Variants in ST8SIA5 observed in about 807,000 individuals in gnomAD.
ST8SIA5 encodes alpha-2,8-sialyltransferase 8E.
A neutral mutation model predicts 40.2 loss-of-function variants in ST8SIA5; 24 were observed. The observed-to-expected ratio is 0.60, with a 90% CI of 0.43 to 0.84. The LOEUF is 0.84. ST8SIA5 is among the 40% of genes least tolerant of loss of function. ST8SIA5 has a pLI of 0.00. For missense variants in ST8SIA5, 465 were observed against 498.5 expected (o/e 0.93, Z 0.64); for synonymous variants, 198 against 201.8 (o/e 0.98, Z 0.16).
intron 2 of ST8SIA5, among the ~76,000 whole-genome samples, chr18:46,697,077 C>G (rs1300367713): frequency 1.3e-5 from 2 of 149,590 alleles, no homozygotes; most frequent in Non-Finnish European, 2.9e-5. Flanking sequence ...TGCTTAATGT[C>G]CAGCAGAGGA....
intron 2 of ST8SIA5, among the ~76,000 whole-genome samples, chr18:46,695,683 C>G (rs1207912979): frequency 1.3e-5 from 2 of 152,192 alleles, no homozygotes; most frequent in Non-Finnish European, 2.9e-5. Context: ...CTGATCTTTC[C>G]CACTAGACAG....
rs1317390331 is a variant in ST8SIA5, at chr18:46,677,370, C to T, written c.*2672G>A. ...GGCAAGTCCTGGAATTGCTTTAAGC[C>T]TCTGTCTCCTCATCTGTACAATGGG... On this transcript the variant is annotated 3_prime_UTR_variant, in exon 7 of 7. Coordinates refer to ENST00000315087, the MANE Select transcript of ST8SIA5 (RefSeq NM_013305.6). The T allele has an allele frequency of 1.5e-5, 2 of 132,406 alleles. No homozygotes were observed. The highest frequency in any genetic ancestry group is 2.9e-5 in the African/African-American group (1 of 35,074). The allele number at this position is 132,406 out of a possible 1,614,324, so 8.2% of individuals were successfully genotyped here.
chr18:46,751,451 C>T (rs1261864582), intron 1 of ST8SIA5, among the ~76,000 whole-genome samples: 1 of 151,878 alleles, frequency 6.6e-6, no homozygotes, highest in Admixed American at 6.6e-5. Context: ...GGCTGGAGTG[C>T]AATGGTGCGA....
At chr18:46,729,364 TG>T (rs1420853495) in intron 1 of ST8SIA5, among the ~76,000 whole-genome samples, 3 of 151,904 alleles carry the variant, frequency 2.0e-5, no homozygotes, top group African/African-American at 7.3e-5. Flanking sequence ...GCAACCAGAG[TG>T]GGGAAAGGGG....
intron 2 of ST8SIA5, among the ~76,000 whole-genome samples, chr18:46,697,628 G>T (rs922865828): frequency 6.6e-6 from 1 of 152,114 alleles, no homozygotes; most frequent in African/African-American, 2.4e-5. Context: ...ATTGCTTGAG[G>T]CCAGGAGTTC....
chr18:46,712,374 C>T (rs1167180188), intron 1 of ST8SIA5, among the ~76,000 whole-genome samples: 1 of 152,228 alleles, frequency 6.6e-6, no homozygotes, highest in Non-Finnish European at 1.5e-5. Context: ...CACCACTTCT[C>T]CTTCCTGAGT....
In ST8SIA5 at chr18:46,676,501, CCCTGCT is replaced by C. The variant is rs2039340238; in HGVS notation, c.*3535_*3540del. ...GTTTCTAAGCACTGCTCTGCTTCCTCCCTGCTCTCAGCAAAGTCAAGGGCGATGAGC... is the reference window on the plus strand; with the variant it reads ...GTTTCTAAGCACTGCTCTGCTTCCTCCTCAGCAAAGTCAAGGGCGATGAGC... On this transcript the variant is annotated 3_prime_UTR_variant, in exon 7 of 7. Transcript: ENST00000315087. 2 of 152,266 alleles carry C rather than the reference CCCTGCT, an allele frequency of 1.3e-5. No homozygotes were observed. The highest frequency in any genetic ancestry group is 2.4e-5 in the African/African-American group (1 of 41,460). The allele number at this position is 152,266 out of a possible 1,614,324, so 9.4% of individuals were successfully genotyped here.
At chr18:46,746,426 GACAA>G (rs762433105) in intron 1 of ST8SIA5, among the ~76,000 whole-genome samples, 3 of 152,092 alleles carry the variant, frequency 2.0e-5, no homozygotes, top group East Asian at 1.9e-4. Context: ...ACAAATAACA[GACAA>G]ACAGAGAGCC....
intron 1 of ST8SIA5, among the ~76,000 whole-genome samples, chr18:46,713,601 C>T (rs2039755527): frequency 6.6e-6 from 1 of 152,088 alleles, no homozygotes; most frequent in South Asian, 2.1e-4. Flanking sequence ...GCAAATGACA[C>T]TGAGAAGAAA....
At chr18:46,690,877 A>G (rs1281068838) in intron 3 of ST8SIA5, among the ~76,000 whole-genome samples, 1 of 152,070 alleles carries the variant, frequency 6.6e-6, no homozygotes, top group Non-Finnish European at 1.5e-5. Flanking sequence ...TGGCCTCCCA[A>G]AGTGCTGGGA....
In ST8SIA5 at chr18:46,669,226, GA is replaced by G; in HGVS notation, c.*10815del. 6.6e-6 allele frequency: 1 copy of G among 152,528 alleles called. No homozygotes were observed. Among genetic ancestry groups the G allele is most frequent in the Non-Finnish European group, 1.5e-5 (1 of 68,222 alleles). 9.4% of individuals were successfully genotyped at this position (152,528 alleles called of 1,614,324 possible). A position where few individuals can be genotyped will look rare whatever the true frequency, so the allele number is the denominator to read the frequency against. On this transcript the variant is annotated 3_prime_UTR_variant, in exon 7 of 7. Coordinates refer to ENST00000315087, the MANE Select transcript of ST8SIA5 (RefSeq NM_013305.6). Reference sequence around the variant, plus strand: ...ATCAGCCTAACAACTTCAGAGGGGAGAAAAAGGTGCCCTAGAGGGCTAGAGC... The same window carrying G: ...ATCAGCCTAACAACTTCAGAGGGGAGAAAAGGTGCCCTAGAGGGCTAGAGC...
At chr18:46,726,735 G>A (rs559982806) in intron 1 of ST8SIA5, among the ~76,000 whole-genome samples, 68 of 152,108 alleles carry the variant, frequency 4.5e-4, no homozygotes, top group African/African-American at 1.5e-3. Flanking sequence ...TGGCCAAGAT[G>A]GTGGATCCCC....
intron 2 of ST8SIA5, among the ~76,000 whole-genome samples, chr18:46,692,490 G>A (rs985101630): frequency 2.6e-5 from 4 of 151,660 alleles, no homozygotes; most frequent in African/African-American, 9.7e-5. Context: ...TGCAACCTCC[G>A]CCTCTGGGGT....
chr18:46,688,730 T>A lies in ST8SIA5; in HGVS notation c.456+45A>T, dbSNP rs1233462480. The A allele has an allele frequency of 1.9e-6, 3 of 1,578,376 alleles. No homozygotes were observed. In the Admixed American group the frequency reaches 5.3e-5, roughly 28 times the overall value. On this transcript the variant is annotated intron_variant, in intron 4 of 6. Coordinates refer to ENST00000315087, the MANE Select transcript of ST8SIA5 (RefSeq NM_013305.6). ...ATTGCCACGGAGGGCTACTGCTGGA[T>A]TGGCTCCCTCGCCCCACCCAGACCG...
intron 1 of ST8SIA5, among the ~76,000 whole-genome samples, chr18:46,716,365 G>A (rs549333579): frequency 6.6e-6 from 1 of 152,304 alleles, no homozygotes; most frequent in Admixed American, 6.5e-5. Flanking sequence ...TTTGGGGCTT[G>A]CTCTTTTTTC....
At chr18:46,741,232 T>A (rs2040083992) in intron 1 of ST8SIA5, among the ~76,000 whole-genome samples, 1 of 152,172 alleles carries the variant, frequency 6.6e-6, no homozygotes, top group Non-Finnish European at 1.5e-5. Context: ...CAGCATATTA[T>A]AAATTTTGCC....
intron 1 of ST8SIA5, among the ~76,000 whole-genome samples, chr18:46,747,732 A>G (rs1568281399): frequency 6.6e-6 from 1 of 152,228 alleles, no homozygotes; most frequent in East Asian, 1.9e-4. Context: ...TATATACCCA[A>G]AGGATTATAA....
At chr18:46,756,147 T>C (rs553889624) in intron 1 of ST8SIA5, among the ~76,000 whole-genome samples, 1 of 152,322 alleles carries the variant, frequency 6.6e-6, no homozygotes, top group Admixed American at 6.5e-5. Context: ...GTCCTTCATT[T>C]TTCACAGCGG....
chr18:46,695,193 G>T (rs956161669), intron 2 of ST8SIA5, among the ~76,000 whole-genome samples: 1 of 151,632 alleles, frequency 6.6e-6, no homozygotes, highest in African/African-American at 2.4e-5. Context: ...TTTAAAAAAA[G>T]GGTTCATTTT....
Sources: gnomAD v4.1 joint callset for allele counts (sites outside exome capture counted in the v4.1 genomes callset) on GRCh38, gnomAD v4.1.1 for gene constraint, MANE v1.5 for transcripts, NCBI Gene and HGNC (gene_info 2026-07-23, HGNC 2026-07-21) for gene names.